The following TMEM266 variants were observed in gnomAD, a reference collection of about 807,000 sequenced individuals.
TMEM266 encodes the protein transmembrane protein 266, also known as Hv1 related protein 1.
Under a neutral mutation model 50.5 loss-of-function variants are expected in TMEM266, and 33 were observed. The ratio of observed to expected loss-of-function variants is 0.65; its 90% CI spans 0.50 to 0.87. The LOEUF (loss-of-function observed/expected upper bound fraction) is 0.87, where lower values mean the gene tolerates loss of function less well. Among genes scored for constraint, TMEM266 ranks in the 40% least tolerant of loss-of-function variants. The pLI, the probability that TMEM266 is intolerant of heterozygous loss-of-function variation, is 0.00. For synonymous variants in TMEM266, 310 were observed against 292.3 expected, an observed-to-expected ratio of 1.06 and a Z score of -0.62; for missense variants, 655 against 695.1, an observed-to-expected ratio of 0.94 and a Z score of 0.65.
chr15:76,134,171 A>T lies in TMEM266; in HGVS notation c.-93A>T. 7.2e-7 allele frequency: 1 copy of T among 1,390,308 alleles called. No homozygotes were observed. The highest frequency in any genetic ancestry group is 1.2e-5 in the South Asian group (1 of 82,552). 86.1% of individuals were successfully genotyped at this position (1,390,308 alleles called of 1,614,324 possible). On this transcript the variant is annotated 5_prime_UTR_variant, in exon 2 of 11. Transcript: ENST00000388942. ...AAGTTCCTATTTTTGTTTTCAGGGC[A>T]CTATATTTGTATGTGTCTTGTAGAA...
chr15:76,096,932 A>ATTTTT (rs61532742), intron 1 of TMEM266, among the ~76,000 whole-genome samples: 1 of 125,922 alleles, frequency 7.9e-6, no homozygotes, highest in African/African-American at 3.0e-5. Context: ...GCAACTCCTG[A>ATTTTT]TTTTTTTTTT....
Position 76,160,592 on chromosome 15 carries a change from C to T in TMEM266, c.456+424C>T, listed in dbSNP as rs1233324374. 6.6e-6 allele frequency among the ~76,000 whole-genome samples: 1 copy of T among 152,268 alleles called. No individual in the cohort carries two copies. On this transcript the variant is annotated intron_variant, in intron 5 of 10. Coordinates refer to ENST00000388942, the MANE Select transcript of TMEM266 (RefSeq NM_152335.3). The surrounding 1 kb of genome is among the most constrained non-coding windows in gnomAD (Gnocchi z 5.7). Reference sequence around the variant, plus strand: ...CTGTGGTCTTGGGCCCACAGTTGGCCGGACCTTTGGGGCTGAAGCACGCAG... The same window carrying T: ...CTGTGGTCTTGGGCCCACAGTTGGCTGGACCTTTGGGGCTGAAGCACGCAG...
In TMEM266 at chr15:76,066,304, T is replaced by C. The variant is rs192330288; in HGVS notation, c.-97+6288T>C. ...TCAACACCACAGGGAGAGTTACCCATGTCAGAACCTTCTTGGAACGAGGAG... is the reference window on the plus strand; with the variant it reads ...TCAACACCACAGGGAGAGTTACCCACGTCAGAACCTTCTTGGAACGAGGAG... On this transcript the variant is annotated intron_variant, in intron 1 of 10. Transcript: ENST00000388942. 2.0e-3 allele frequency among the ~76,000 whole-genome samples: 302 copies of C among 152,274 alleles called. 1 individual carries two copies. Among genetic ancestry groups the C allele is most frequent in the Non-Finnish European group, 3.9e-3 (266 of 68,010 alleles).
intron 3 of TMEM266, among the ~76,000 whole-genome samples, chr15:76,145,912 G>A (rs940493394): frequency 3.9e-5 from 6 of 152,232 alleles, no homozygotes; most frequent in African/African-American, 1.4e-4. Flanking sequence ...ATTCTGTGAT[G>A]TTCTTATCAG....
chr15:76,140,438 T>C (rs917114384), intron 3 of TMEM266, among the ~76,000 whole-genome samples: 2 of 152,230 alleles, frequency 1.3e-5, no homozygotes, highest in Admixed American at 6.5e-5. Context: ...AGTCCTCATT[T>C]ACAGCTCTGA....
In TMEM266 at chr15:76,134,170, C is replaced by T; in HGVS notation, c.-94C>T. 7.2e-7 allele frequency: 1 copy of T among 1,380,268 alleles called. No individual in the cohort carries two copies. The highest frequency in any genetic ancestry group is 1.2e-5 in the South Asian group (1 of 81,900). The allele number at this position is 1,380,268 out of a possible 1,614,324, so 85.5% of individuals were successfully genotyped here. A position where few individuals can be genotyped will look rare whatever the true frequency, so the allele number is the denominator to read the frequency against. On this transcript the variant is annotated splice_region_variant and 5_prime_UTR_variant, in exon 2 of 11. Transcript: ENST00000388942. Reference sequence around the variant, plus strand: ...TAAGTTCCTATTTTTGTTTTCAGGGCACTATATTTGTATGTGTCTTGTAGA... The same window carrying T: ...TAAGTTCCTATTTTTGTTTTCAGGGTACTATATTTGTATGTGTCTTGTAGA...
chr15:76,068,514 C>T (rs924706531), intron 1 of TMEM266, among the ~76,000 whole-genome samples: 1 of 152,182 alleles, frequency 6.6e-6, no homozygotes, highest in Non-Finnish European at 1.5e-5. Context: ...GCCCTAACCC[C>T]CAATGTGACT....
At chr15:76,141,116 T>A (rs1252836981) in intron 3 of TMEM266, among the ~76,000 whole-genome samples, 1 of 152,206 alleles carries the variant, frequency 6.6e-6, no homozygotes, top group Non-Finnish European at 1.5e-5. Flanking sequence ...CTGGCAGCAC[T>A]GGGCTTCCAC....
chr15:76,119,391 CAAAAAAAA>C (rs57532855), intron 1 of TMEM266, among the ~76,000 whole-genome samples: 37,641 of 110,040 alleles, frequency 0.34, 5,919 homozygotes, highest in East Asian at 0.64. Flanking sequence ...GGGTTTATGG[CAAAAAAAA>C]AAAAAAAAAA....
chr15:76,088,050 T>C (rs1308187608), intron 1 of TMEM266, among the ~76,000 whole-genome samples: 2 of 152,224 alleles, frequency 1.3e-5, no homozygotes, highest in African/African-American at 4.8e-5. Context: ...TACAGGGTCC[T>C]TGTTACCCTC....
Position 76,091,317 on chromosome 15 carries a change from G to A in TMEM266, c.-97+31301G>A, listed in dbSNP as rs183823741. On this transcript the variant is annotated intron_variant, in intron 1 of 10. Transcript: ENST00000388942. The stretch of plus-strand genomic sequence containing the variant: ...GAACTCAACAAAGAGGAAGACATGG[G>A]ACCTCAGAAAAAAAATGGAGCCAGG... 3.2e-3 allele frequency among the ~76,000 whole-genome samples: 477 copies of A among 150,458 alleles called. 6 individuals are homozygous for A. Among genetic ancestry groups the A allele is most frequent in the African/African-American group, 0.011 (453 of 41,416 alleles).
At chr15:76,174,921 G>A (rs935858051) in intron 7 of TMEM266, 1 of 152,282 alleles carries the variant, frequency 6.6e-6, no homozygotes, top group East Asian at 1.9e-4. Context: ...CGCATTCATC[G>A]GCTGATGAAC....
chr15:76,115,955 A>AACAGT lies in TMEM266; in HGVS notation c.-96-18213_-96-18212insACAGT, dbSNP rs1438794756. Among the ~76,000 whole-genome samples, 74 of 152,270 alleles carry AACAGT rather than the reference A, an allele frequency of 4.9e-4. 1 individual carries two copies. The South Asian group carries it at 0.011, about 22-fold the overall frequency. On this transcript the variant is annotated intron_variant, in intron 1 of 10. Transcript: ENST00000388942. ...TGTTTTTACTGGAGCAGTGCTCAGC[A>AACAGT]GATGCTCGGTGTTGCTGACTTTCTA... is the stretch of plus-strand genomic sequence containing the variant.
At chr15:76,156,807 C>T in intron 4 of TMEM266, 49 bp downstream of exon 4, 1 of 1,581,982 alleles carries the variant, frequency 6.3e-7, no homozygotes, top group South Asian at 1.1e-5. Context: ...TGTCAATATT[C>T]AATGTGCATC....
intron 9 of TMEM266, among the ~76,000 whole-genome samples, chr15:76,198,746 G>C (rs2038693828): frequency 6.6e-6 from 1 of 152,124 alleles, no homozygotes; most frequent in Admixed American, 6.5e-5. Context: ...CCCTCTGTGG[G>C]TGAAGACAGA....
rs1386606369 is a variant in TMEM266, at chr15:76,160,358, A to AGG, written c.456+195_456+196dup. Reference sequence around the variant, plus strand: ...GTGGTACAGGGAGCCCAACCCAGCCAGGGGGGTTTGGCCCTAGCAGGTGAT... The same window carrying AGG: ...GTGGTACAGGGAGCCCAACCCAGCCAGGGGGGGGTTTGGCCCTAGCAGGTGAT... On this transcript the variant is annotated intron_variant, in intron 5 of 10. Coordinates refer to ENST00000388942, the MANE Select transcript of TMEM266 (RefSeq NM_152335.3). This position sits in a 1 kb window ranked among gnomAD's most constrained non-coding sequence, Gnocchi z 5.7. Among the ~76,000 whole-genome samples, 1 of 152,200 alleles carries AGG rather than the reference A, an allele frequency of 6.6e-6. No homozygotes were observed. The highest frequency in any genetic ancestry group is 2.4e-5 in the African/African-American group (1 of 41,456).
At chr15:76,106,209 G>A (rs1415202469) in intron 1 of TMEM266, among the ~76,000 whole-genome samples, 2 of 152,072 alleles carry the variant, frequency 1.3e-5, no homozygotes, top group African/African-American at 2.4e-5. Flanking sequence ...GCACGGCATG[G>A]TGGGAGAATC....
At chr15:76,187,270 G>A (rs2038501596) in intron 8 of TMEM266, among the ~76,000 whole-genome samples, 1 of 152,256 alleles carries the variant, frequency 6.6e-6, no homozygotes, top group Non-Finnish European at 1.5e-5. Flanking sequence ...CCTGACCTCT[G>A]GCTGTCTTGG....
intron 1 of TMEM266, among the ~76,000 whole-genome samples, chr15:76,104,079 C>T (rs1376421559): frequency 1.3e-5 from 2 of 150,916 alleles, no homozygotes; most frequent in African/African-American, 2.4e-5. Context: ...TGGTGGCAGG[C>T]GCCTGTAGTC....
Sources: allele counts gnomAD v4.1 joint callset (sites outside exome capture counted in the v4.1 genomes callset), GRCh38; gene constraint gnomAD v4.1.1; non-coding constraint Gnocchi (gnomAD v3.1); transcripts MANE v1.5; gene names NCBI Gene and HGNC (gene_info 2026-07-23, HGNC 2026-07-21).